Variants in PTPRN2 observed in about 807,000 individuals in gnomAD.
The protein encoded by PTPRN2 is protein tyrosine phosphatase receptor type N2.
Under a neutral mutation model 118.8 loss-of-function variants are expected in PTPRN2, and 74 were observed. The ratio of observed to expected loss-of-function variants is 0.62; its 90% CI spans 0.52 to 0.76. PTPRN2 has a LOEUF of 0.76. PTPRN2 is among the 30% of genes least tolerant of loss of function. PTPRN2 has a pLI of 0.00. For synonymous variants in PTPRN2, 641 were observed against 608.0 expected (o/e 1.05, Z -0.80); for missense variants, 1,481 against 1,394.4 (o/e 1.06, Z -0.99).
chr7:158,296,606 G>T (rs981924007), intron 3 of PTPRN2, among the ~76,000 whole-genome samples: 1 of 152,166 alleles, frequency 6.6e-6, no homozygotes, highest in Admixed American at 6.5e-5. Context: ...GGGGCTTTAG[G>T]AGCTGTAAGC....
intron 12 of PTPRN2, among the ~76,000 whole-genome samples, chr7:157,705,085 CA>C (rs1020050692): frequency 6.6e-4 from 101 of 152,274 alleles, no homozygotes; most frequent in Admixed American, 7.2e-4. Context: ...GGGGGCGGAT[CA>C]CGAGGTCAGG....
chr7:158,210,296 T>C (rs543638839), intron 3 of PTPRN2, among the ~76,000 whole-genome samples: 1,969 of 151,884 alleles, frequency 0.013, 19 homozygotes, highest in Middle Eastern at 0.034. Context: ...CTACCACGCC[T>C]GGCTAATTTT....
rs566816201 is a variant in PTPRN2, at chr7:158,261,014, A to C, written c.278-55741T>G. Among the ~76,000 whole-genome samples the C allele has an allele frequency of 2.6e-5, 4 of 152,258 alleles. No individual in the cohort carries two copies. In the East Asian group the frequency reaches 7.7e-4, roughly 29 times the overall value. On this transcript the variant is annotated intron_variant, in intron 3 of 22. Coordinates refer to ENST00000389418, the MANE Select transcript of PTPRN2 (RefSeq NM_002847.5). ...AGAGCCACTTGTAGGAGGTCTGGGC[A>C]CAATAGATACAGTGACTCCTCTGAG...
chr7:158,459,960 T>A (rs6953003), intron 2 of PTPRN2, among the ~76,000 whole-genome samples: 169 of 27,288 alleles, frequency 6.2e-3, no homozygotes, highest in Middle Eastern at 0.016. Context: ...CTGTGTGCCG[T>A]CAGCACAGGA....
chr7:157,762,877 A>C (rs891381566), intron 12 of PTPRN2, among the ~76,000 whole-genome samples: 1 of 152,214 alleles, frequency 6.6e-6, no homozygotes, highest in African/African-American at 2.4e-5. Context: ...CTGCGTGTCC[A>C]AGGCCCTGCA....
intron 11 of PTPRN2, among the ~76,000 whole-genome samples, chr7:157,913,599 G>T (rs1196223644): frequency 1.3e-5 from 2 of 152,182 alleles, no homozygotes; most frequent in Non-Finnish European, 2.9e-5. Flanking sequence ...TATTATGAAT[G>T]AATGTTAATA....
rs531161541 is a variant in PTPRN2, at chr7:158,037,518, C to T, written c.1723+43780G>A. Among the ~76,000 whole-genome samples the T allele has an allele frequency of 6.6e-5, 10 of 152,248 alleles. No homozygotes were observed. In the South Asian group the frequency reaches 1.0e-3, roughly 16 times the overall value. On this transcript the variant is annotated intron_variant, in intron 11 of 22. Coordinates refer to ENST00000389418, the MANE Select transcript of PTPRN2 (RefSeq NM_002847.5). ...CCTGCACAGCTTACTGTTACTGTTCCGAGTACTGTAGGCAACGCTAACACA... is the reference window on the plus strand; with the variant it reads ...CCTGCACAGCTTACTGTTACTGTTCTGAGTACTGTAGGCAACGCTAACACA...
chr7:158,262,490 C>T (rs1451483447), intron 3 of PTPRN2, among the ~76,000 whole-genome samples: 2 of 127,268 alleles, frequency 1.6e-5, no homozygotes, highest in Non-Finnish European at 3.3e-5. Context: ...GCTGCACACA[C>T]ATACATGCAC....
At chr7:158,120,656 G>T (rs73745123) in intron 9 of PTPRN2, among the ~76,000 whole-genome samples, 2,162 of 152,266 alleles carry the variant, frequency 0.014, 55 homozygotes, top group African/African-American at 0.049. Context: ...TTTAAAGAGT[G>T]GCTGCTGGAA....
In PTPRN2 at chr7:157,598,670, G is replaced by A. The variant is rs1363833374; in HGVS notation, c.2419-3355C>T. The stretch of plus-strand genomic sequence containing the variant: ...GGTGTTGGTCATCCCGAAACTGTCC[G>A]TGAAAACCTGTAAATTTATTAGGTG... On this transcript the variant is annotated intron_variant, in intron 16 of 22. Coordinates refer to ENST00000389418, the MANE Select transcript of PTPRN2 (RefSeq NM_002847.5). This position sits in a 1 kb window ranked among gnomAD's most constrained non-coding sequence, Gnocchi z 5.2. Among the ~76,000 whole-genome samples, 1 of 152,220 alleles carries A rather than the reference G, an allele frequency of 6.6e-6. No individual in the cohort carries two copies. The highest frequency in any genetic ancestry group is 1.5e-5 in the Non-Finnish European group (1 of 68,046).
At position 157,881,681 on chromosome 7, in the gene PTPRN2, A is replaced by C. The variant is rs1218681940; in HGVS notation, c.1788+16992T>G. Among the ~76,000 whole-genome samples, 1 of 152,158 alleles carries C rather than the reference A, an allele frequency of 6.6e-6. No homozygotes were observed. The highest frequency in any genetic ancestry group is 1.5e-5 in the Non-Finnish European group (1 of 68,042). ...CCTGTTTTCGTGGAACGTTAAGTCC[A>C]AGTGCTTGTCAACAGAAGAAAGTTA... is the stretch of plus-strand genomic sequence containing the variant. On this transcript the variant is annotated intron_variant, in intron 12 of 22. Coordinates refer to ENST00000389418, the MANE Select transcript of PTPRN2 (RefSeq NM_002847.5). This position sits in a 1 kb window ranked among gnomAD's most constrained non-coding sequence, Gnocchi z 4.7.
rs145973702 is a variant in PTPRN2 at position 158,136,676 on chromosome 7, G to A, written c.1152C>T (p.Asp384=). ...DSFPDDGVQD[D]DDRLYQEVHR... ...TTACCTCTTGGTAAAGTCTATCATC[G>A]TCGTCCTGCACTCCGTCATCTGTAA... The change falls in exon 8 of 23, where the codon GAC becomes GAT. Residue 384 remains aspartate, a synonymous_variant. Coordinates refer to ENST00000389418, the MANE Select transcript of PTPRN2 (RefSeq NM_002847.5). The A allele has an allele frequency of 7.2e-4, 1,156 of 1,613,566 alleles. 2 individuals are homozygous for A. Among genetic ancestry groups the A allele is most frequent in the Admixed American group, 9.8e-4 (59 of 59,988 alleles).
intron 12 of PTPRN2, among the ~76,000 whole-genome samples, chr7:157,793,087 C>G (rs375536629): frequency 6.6e-6 from 1 of 151,782 alleles, no homozygotes; most frequent in Non-Finnish European, 1.5e-5. Flanking sequence ...GCGCTGTGCC[C>G]GGGGAGAGGA....
chr7:157,875,695 G>T (rs1235765814), intron 12 of PTPRN2, among the ~76,000 whole-genome samples: 2 of 152,168 alleles, frequency 1.3e-5, no homozygotes, highest in Non-Finnish European at 2.9e-5. Context: ...GGCCTCGGGG[G>T]TCAGGAGGGG....
rs1214057000 is a variant in PTPRN2 at position 157,540,532 on chromosome 7, CTCTT to C, written c.*178_*181del. On this transcript the variant is annotated 3_prime_UTR_variant, in exon 23 of 23. Coordinates refer to ENST00000389418, the MANE Select transcript of PTPRN2 (RefSeq NM_002847.5). ...CGTAACTGGATTTTTCCACAAATCT[CTCTT>C]TATTATTGTTTGATTAAACAAAAAT... The C allele has an allele frequency of 1.1e-5, 5 of 451,280 alleles. No homozygotes were observed. The highest frequency in any genetic ancestry group is 1.6e-5 in the Non-Finnish European group (4 of 254,616). 28.0% of individuals were successfully genotyped at this position (451,280 alleles called of 1,614,324 possible).
chr7:157,656,995 T>C (rs1218726194), intron 13 of PTPRN2, among the ~76,000 whole-genome samples: 1 of 102,466 alleles, frequency 9.8e-6, no homozygotes, highest in Non-Finnish European at 2.0e-5. Context: ...ACATCACACA[T>C]ATACACACAC....
intron 12 of PTPRN2, among the ~76,000 whole-genome samples, chr7:157,693,442 G>T (rs901758517): frequency 6.6e-6 from 1 of 152,126 alleles, no homozygotes; most frequent in Non-Finnish European, 1.5e-5. Context: ...CTCGGGGAAC[G>T]CGCGCAGGCC....
chr7:158,187,092 C>T (rs1156575347), intron 5 of PTPRN2, among the ~76,000 whole-genome samples: 1 of 152,188 alleles, frequency 6.6e-6, no homozygotes, highest in Non-Finnish European at 1.5e-5. Context: ...CCTCACAATG[C>T]AGAAGTCGTA....
At chr7:158,361,812 T>C (rs1563201068) in intron 2 of PTPRN2, among the ~76,000 whole-genome samples, 1 of 152,194 alleles carries the variant, frequency 6.6e-6, no homozygotes, top group Non-Finnish European at 1.5e-5. Flanking sequence ...ACAGATGGTC[T>C]GGCTGGGGCA....
Sources: allele counts gnomAD v4.1 joint callset (sites outside exome capture counted in the v4.1 genomes callset), GRCh38; gene constraint gnomAD v4.1.1; non-coding constraint Gnocchi (gnomAD v3.1); transcripts MANE v1.5; gene names NCBI Gene and HGNC (gene_info 2026-07-23, HGNC 2026-07-21).